Variants in PCSK5 observed in about 807,000 individuals in gnomAD.
PCSK5 encodes the protein prohormone convertase 5.
Under a neutral mutation model 233.2 loss-of-function variants are expected in PCSK5, and 129 were observed. The observed-to-expected ratio is 0.55, with a 90% CI of 0.48 to 0.64. The LOEUF (loss-of-function observed/expected upper bound fraction) is 0.64, where lower values mean the gene tolerates loss of function less well. PCSK5 is among the 30% of genes least tolerant of loss of function. The pLI, the probability that PCSK5 is intolerant of heterozygous loss-of-function variation, is 0.00. For synonymous variants in PCSK5, 825 were observed against 879.2 expected, an observed-to-expected ratio of 0.94 and a Z score of 1.09; for missense variants, 2,076 against 2,430.1, an observed-to-expected ratio of 0.85 and a Z score of 3.06.
At chr9:76,237,570 C>T (rs1034238102) in intron 22 of PCSK5, among the ~76,000 whole-genome samples, 3 of 151,704 alleles carry the variant, frequency 2.0e-5, no homozygotes, top group Non-Finnish European at 4.4e-5. Flanking sequence ...GAGTTCAAGA[C>T]CAGCCTGGGC....
intron 5 of PCSK5, among the ~76,000 whole-genome samples, chr9:76,059,090 G>T (rs1046126790): frequency 1.3e-5 from 2 of 152,222 alleles, no homozygotes; most frequent in African/African-American, 4.8e-5. Context: ...TAGCTAAAGT[G>T]AAATATAGAA....
At chr9:76,051,868 T>C (rs1376644904) in intron 5 of PCSK5, among the ~76,000 whole-genome samples, 1 of 152,166 alleles carries the variant, frequency 6.6e-6, no homozygotes, top group Non-Finnish European at 1.5e-5. Context: ...TGGATCTAAG[T>C]CTCAGAAGAC....
At chr9:76,149,612 T>G (rs1293279432) in intron 10 of PCSK5, among the ~76,000 whole-genome samples, 1 of 152,226 alleles carries the variant, frequency 6.6e-6, no homozygotes, top group African/African-American at 2.4e-5. Context: ...AACTGACATA[T>G]GGTCAATCTA....
intron 7 of PCSK5, among the ~76,000 whole-genome samples, chr9:76,086,636 G>A (rs561337612): frequency 4.6e-5 from 7 of 152,204 alleles, no homozygotes; most frequent in South Asian, 2.1e-4. Context: ...TAATTTTCTC[G>A]AATCCACTAT....
At chr9:76,207,562 G>A (rs1825168791) in intron 20 of PCSK5, among the ~76,000 whole-genome samples, 1 of 151,994 alleles carries the variant, frequency 6.6e-6, no homozygotes, top group Admixed American at 6.6e-5. Context: ...ATAATATAAG[G>A]GTATATAAGG....
At chr9:76,314,153 G>C (rs1160670343) in intron 30 of PCSK5, among the ~76,000 whole-genome samples, 1 of 152,216 alleles carries the variant, frequency 6.6e-6, no homozygotes, top group Non-Finnish European at 1.5e-5. Flanking sequence ...ACTCAAGTTA[G>C]TTGACCGCTT....
At chr9:76,062,103 C>T (rs955162415) in intron 5 of PCSK5, among the ~76,000 whole-genome samples, 3 of 152,040 alleles carry the variant, frequency 2.0e-5, no homozygotes, top group African/African-American at 7.2e-5. Flanking sequence ...TAAAAATTAG[C>T]CTGCTGTGGT....
At chr9:76,309,683 A>T (rs1047274351) in intron 29 of PCSK5, among the ~76,000 whole-genome samples, 10 of 152,154 alleles carry the variant, frequency 6.6e-5, no homozygotes, top group Non-Finnish European at 1.0e-4. Flanking sequence ...CCTCAAAAAA[A>T]AAAAAAAGAA....
chr9:76,219,483 A>G (rs1020671763), intron 20 of PCSK5, among the ~76,000 whole-genome samples: 1 of 152,216 alleles, frequency 6.6e-6, no homozygotes, highest in African/African-American at 2.4e-5. Context: ...AACAAGGAAC[A>G]TTTGGGTGGT....
intron 24 of PCSK5, among the ~76,000 whole-genome samples, chr9:76,272,773 C>CAAAAAAAAAAAAAAAAAAAAAAA: frequency 2.0e-5 from 1 of 49,952 alleles, no homozygotes; most frequent in Non-Finnish European, 3.8e-5. Flanking sequence ...GACTCCATCT[C>CAAAAAAAAAAAAAAAAAAAAAAA]AAAAAAAAAA....
At chr9:76,289,524 A>ATG (rs1564159644) in intron 24 of PCSK5, among the ~76,000 whole-genome samples, 34 of 90,336 alleles carry the variant, frequency 3.8e-4, no homozygotes, top group African/African-American at 1.2e-3. Flanking sequence ...ACATACACAC[A>ATG]CACACACACA....
intron 32 of PCSK5, among the ~76,000 whole-genome samples, chr9:76,327,751 T>C (rs745922001): frequency 6.6e-6 from 1 of 152,180 alleles, no homozygotes; most frequent in Non-Finnish European, 1.5e-5. Flanking sequence ...ATTTCTGAGA[T>C]GGCTATTGCA....
intron 27 of PCSK5, among the ~76,000 whole-genome samples, chr9:76,299,293 G>T (rs1828534995): frequency 6.6e-6 from 1 of 152,192 alleles, no homozygotes; most frequent in Non-Finnish European, 1.5e-5. Flanking sequence ...CTGCACAAAT[G>T]TATAGATCAT....
intron 1 of PCSK5, among the ~76,000 whole-genome samples, chr9:75,917,488 G>A (rs951734923): frequency 2.6e-5 from 4 of 152,230 alleles, no homozygotes; most frequent in Admixed American, 6.5e-5. Flanking sequence ...CTGAAGAACC[G>A]TGTGTCACCT....
intron 2 of PCSK5, 126 bp downstream of exon 2, chr9:75,932,609 G>C (rs1268505288): frequency 1.5e-6 from 1 of 652,484 alleles, no homozygotes; most frequent in Non-Finnish European, 2.7e-6. Context: ...ATTATCCTTT[G>C]GTCTAGTGTC....
At chr9:76,102,124 G>C (rs1020017358) in intron 8 of PCSK5, among the ~76,000 whole-genome samples, 1 of 152,200 alleles carries the variant, frequency 6.6e-6, no homozygotes, top group Non-Finnish European at 1.5e-5. Flanking sequence ...CTTGGGCTGG[G>C]TCACGAGGCT....
rs977283542 is a variant in PCSK5 at position 76,067,935 on chromosome 9, T to C, written c.633-20T>C. The C allele has an allele frequency of 5.0e-6, 8 of 1,595,860 alleles. No homozygotes were observed. Among genetic ancestry groups the C allele is most frequent in the Admixed American group, 1.7e-5 (1 of 59,908 alleles). On this transcript the variant is annotated intron_variant, in intron 5 of 37. Transcript: ENST00000674117. ...GAATGGTGTGTCTTACTTGAGAAAG[T>C]GTGTGTGTTCTGCCTGCAGGCATGG...
At chr9:76,176,872 T>G (rs1823638849) in intron 14 of PCSK5, among the ~76,000 whole-genome samples, 1 of 152,228 alleles carries the variant, frequency 6.6e-6, no homozygotes, top group South Asian at 2.1e-4. Context: ...CAAATTGGTT[T>G]TGTTGTCCTT....
intron 5 of PCSK5, among the ~76,000 whole-genome samples, chr9:76,067,600 G>C (rs1259665143): frequency 6.6e-6 from 1 of 152,148 alleles, no homozygotes; most frequent in Non-Finnish European, 1.5e-5. Flanking sequence ...ATTGAGATAA[G>C]GTTGCAGTAG....
Sources: gnomAD v4.1 joint callset for allele counts (sites outside exome capture counted in the v4.1 genomes callset) on GRCh38, gnomAD v4.1.1 for gene constraint, MANE v1.5 for transcripts, NCBI Gene and HGNC (gene_info 2026-07-23, HGNC 2026-07-21) for gene names.